The following UGDH variants were observed in gnomAD, a reference collection of about 807,000 sequenced individuals.
UGDH encodes the protein UDP-Glc dehydrogenase.
A neutral mutation model predicts 50.6 loss-of-function variants in UGDH; 38 were observed. The observed-to-expected ratio is 0.75, with a 90% CI of 0.58 to 0.98. UGDH has a LOEUF of 0.98. UGDH is among the 50% of genes least tolerant of loss of function. The pLI is 0.00. For synonymous variants in UGDH, 168 were observed against 199.9 expected (o/e 0.84, Z 1.35); for missense variants, 465 against 606.2 (o/e 0.77, Z 2.45).
intron 1 of UGDH, among the ~76,000 whole-genome samples, chr4:39,525,176 T>C (rs969725169): frequency 2.0e-5 from 3 of 152,256 alleles, no homozygotes; most frequent in African/African-American, 4.8e-5. Context: ...ATGACACAGA[T>C]GTCTGCCAAC....
chr4:39,513,992 T>TTAATACCA, intron 3 of UGDH, 91 bp downstream of exon 3: 3 of 1,112,074 alleles, frequency 2.7e-6, no homozygotes, highest in Non-Finnish European at 3.9e-6. Flanking sequence ...ATGTTGAGGC[T>TTAATACCA]TAATACCAAT....
intron 11 of UGDH, among the ~76,000 whole-genome samples, chr4:39,501,711 G>A (rs1322370235): frequency 1.3e-5 from 2 of 152,144 alleles, no homozygotes; most frequent in Admixed American, 6.5e-5. Context: ...TAACTCAAAG[G>A]GTCGTGGTAA....
chr4:39,511,142 A>G (rs1464480501), intron 3 of UGDH, among the ~76,000 whole-genome samples: 3 of 152,224 alleles, frequency 2.0e-5, no homozygotes, highest in Non-Finnish European at 2.9e-5. Context: ...GAAGATACAT[A>G]AATGAATGAG....
At chr4:39,514,249 T>TAACAA in intron 2 of UGDH, 65 bp from the exon 3 acceptor site, 1 of 1,218,576 alleles carries the variant, frequency 8.2e-7, no homozygotes, top group East Asian at 2.4e-5. Context: ...AACCTAATAG[T>TAACAA]ATAGAATTAC....
chr4:39,523,806 CAA>C (rs35858120), intron 1 of UGDH, among the ~76,000 whole-genome samples: 25 of 84,782 alleles, frequency 2.9e-4, no homozygotes, highest in Admixed American at 5.2e-4. Flanking sequence ...AACTCCATCT[CAA>C]AAAAAAAAAA....
intron 3 of UGDH, among the ~76,000 whole-genome samples, chr4:39,511,594 A>T (rs371646289): frequency 1.2e-4 from 18 of 151,710 alleles, no homozygotes; most frequent in African/African-American, 4.1e-4. Context: ...TTACAGTCCT[A>T]TATCAACAGT....
chr4:39,508,541 A>C (rs1221959960), intron 7 of UGDH, 25 bp downstream of exon 7: 1 of 1,604,220 alleles, frequency 6.2e-7, no homozygotes, highest in South Asian at 1.1e-5. Flanking sequence ...GCTAAACAGA[A>C]ATTATTACCT....
intron 2 of UGDH, among the ~76,000 whole-genome samples, chr4:39,515,201 A>T (rs186802072): frequency 5.4e-4 from 82 of 152,312 alleles, no homozygotes; most frequent in Non-Finnish European, 1.0e-3. Flanking sequence ...CTACAATCAG[A>T]AGAGCAGCTC....
At position 39,507,942 on chromosome 4, in the gene UGDH, C is replaced by CA. The variant is rs34122254; in HGVS notation, c.906+623dup. 7.8e-3 allele frequency among the ~76,000 whole-genome samples: 597 copies of CA among 76,228 alleles called. 7 individuals carry two copies. Among genetic ancestry groups the CA allele is most frequent in the East Asian group, 0.011 (35 of 3,280 alleles). 50.0% of individuals were successfully genotyped at this position (76,228 alleles called of 152,430 possible). A position where few individuals can be genotyped will look rare whatever the true frequency, so the allele number is the denominator to read the frequency against. On this transcript the variant is annotated intron_variant, in intron 7 of 11. Coordinates refer to ENST00000316423, the MANE Select transcript of UGDH (RefSeq NM_003359.4). ...TGGGTGACAAAGTGAGATCTTGTCT[C>CA]AAAAAAAAAAAAAAAAAAAAGAGAG...
At chr4:39,518,601 G>C (rs1172786003) in intron 2 of UGDH, among the ~76,000 whole-genome samples, 1 of 149,620 alleles carries the variant, frequency 6.7e-6, no homozygotes, top group African/African-American at 2.5e-5. Context: ...ACAGGTGTGA[G>C]CCACCGCGGT....
intron 2 of UGDH, among the ~76,000 whole-genome samples, chr4:39,518,634 A>AG (rs1277942035): frequency 2.4e-4 from 36 of 151,126 alleles, no homozygotes; most frequent in East Asian, 1.6e-3. Flanking sequence ...AAAAAAAAAA[A>AG]AAAGAAAAGG....
In UGDH at chr4:39,527,354, G is replaced by A. The variant is rs112339080; in HGVS notation, c.-79C>T. On this transcript the variant is annotated 5_prime_UTR_variant, in exon 1 of 12. Transcript: ENST00000316423. ...CGGACAGCACCTTCCTACGGGCCGC[G>A]CCGCCGCAGCTTCTCCACCCGCGCC... The A allele has an allele frequency of 2.1e-5, 5 of 243,652 alleles. 1 individual carries two copies. Among genetic ancestry groups the A allele is most frequent in the South Asian group, 1.6e-4 (4 of 25,244 alleles). The allele number at this position is 243,652 out of a possible 1,614,324, so 15.1% of individuals were successfully genotyped here. A position where few individuals can be genotyped will look rare whatever the true frequency, so the allele number is the denominator to read the frequency against.
At chr4:39,503,004 C>T (rs1400428625) in intron 11 of UGDH, among the ~76,000 whole-genome samples, 1 of 152,184 alleles carries the variant, frequency 6.6e-6, no homozygotes, top group Non-Finnish European at 1.5e-5. Flanking sequence ...GCAACCTCCG[C>T]CTCCCAGGTT....
At chr4:39,525,674 T>A (rs2109952991) in intron 1 of UGDH, among the ~76,000 whole-genome samples, 1 of 97,300 alleles carries the variant, frequency 1.0e-5, no homozygotes, top group South Asian at 3.0e-4. Flanking sequence ...GCCCGGCTAA[T>A]TTTTTTTTGT....
At chr4:39,508,894 T>A (rs1021328008) in intron 6 of UGDH, among the ~76,000 whole-genome samples, 2 of 150,352 alleles carry the variant, frequency 1.3e-5, no homozygotes. Flanking sequence ...TACGTTTAAC[T>A]TTTTATATTG....
At chr4:39,501,078 G>A (rs952666484) in intron 11 of UGDH, among the ~76,000 whole-genome samples, 8 of 150,094 alleles carry the variant, frequency 5.3e-5, no homozygotes, top group South Asian at 4.2e-4. Context: ...GATTCTCCTC[G>A]CCTCAGCCTC....
chr4:39,500,164 AGGTG>A lies in UGDH; in HGVS notation c.1460_1463del (p.Pro487LeufsTer15), dbSNP rs1409371090. The A allele has an allele frequency of 6.3e-7, 1 of 1,593,374 alleles. No homozygotes were observed. Among genetic ancestry groups the A allele is most frequent in the Non-Finnish European group, 8.6e-7 (1 of 1,168,394 alleles). On this transcript the variant is annotated frameshift_variant, in exon 12 of 12. Coordinates refer to ENST00000316423, the MANE Select transcript of UGDH (RefSeq NM_003359.4). LOFTEE classifies it high-confidence loss of function. ...ATCTCTACACTTTAGGTTTCTTGTT[AGGTG>A]GATCTTGAAGACTAAACTTCGGAAT...
In UGDH at chr4:39,504,503, G is replaced by A. The variant is rs113094436; in HGVS notation, c.1177C>T (p.Arg393Trp). The part of the protein sequence containing the change: ...PGVSEDDQVS[R>W]LVTISKDPYE... Reference sequence around the variant, plus strand: ...GGATCCTTGGAAATGGTCACGAGCCGGGACACTGTAACAATAGCAACAACA... The same window carrying A: ...GGATCCTTGGAAATGGTCACGAGCCAGGACACTGTAACAATAGCAACAACA... The change falls in exon 10 of 12, where the codon CGG becomes TGG. Residue 393 changes from arginine (R) to tryptophan (W), a missense_variant. Transcript: ENST00000316423. The A allele has an allele frequency of 6.8e-6, 11 of 1,613,490 alleles. No individual in the cohort carries two copies. Among genetic ancestry groups the A allele is most frequent in the Admixed American group, 1.7e-5 (1 of 59,948 alleles).
chr4:39,512,025 G>GAAA (rs369507361), intron 3 of UGDH, among the ~76,000 whole-genome samples: 3 of 136,914 alleles, frequency 2.2e-5, no homozygotes, highest in Non-Finnish European at 3.1e-5. Context: ...CTTTCATTTA[G>GAAA]AAAAAAAAAA....
Sources: allele counts gnomAD v4.1 joint callset (sites outside exome capture counted in the v4.1 genomes callset), GRCh38; gene constraint gnomAD v4.1.1; transcripts MANE v1.5; gene names NCBI Gene and HGNC (gene_info 2026-07-23, HGNC 2026-07-21).